Variants in CDC42EP3 observed in about 807,000 individuals in gnomAD.
CDC42EP3 encodes the protein CDC42 effector protein (Rho GTPase binding) 3.
In CDC42EP3, 4 loss-of-function variants were observed where a neutral mutation model predicts 15.5. The observed-to-expected ratio is 0.26, with a 90% CI of 0.13 to 0.59. The LOEUF (loss-of-function observed/expected upper bound fraction) is 0.59, where lower values mean the gene tolerates loss of function less well. CDC42EP3 is among the 20% of genes least tolerant of loss of function. CDC42EP3 has a pLI of 0.89. For synonymous variants in CDC42EP3, 145 were observed against 130.3 expected, an observed-to-expected ratio of 1.11 and a Z score of -0.77; for missense variants, 309 against 311.2, an observed-to-expected ratio of 0.99 and a Z score of 0.05.
At chr2:37,669,138 T>C (rs1232544358) in intron 1 of CDC42EP3, among the ~76,000 whole-genome samples, 2 of 151,926 alleles carry the variant, frequency 1.3e-5, no homozygotes, top group Non-Finnish European at 2.9e-5. Context: ...CAGAGCAGTC[T>C]TCTTGGAGGT....
In CDC42EP3 at chr2:37,645,594, A is replaced by G; in HGVS notation, c.*229T>C. 2.5e-6 allele frequency: 1 copy of G among 399,258 alleles called. No homozygotes were observed. 24.7% of individuals were successfully genotyped at this position (399,258 alleles called of 1,614,324 possible). A position where few individuals can be genotyped will look rare whatever the true frequency, so the allele number is the denominator to read the frequency against. ...CCGAACATCACCAATGCCTCCTGAA[A>G]ATGGGCTCTGACTCACTTCCTTTTT... is the stretch of plus-strand genomic sequence containing the variant. On this transcript the variant is annotated 3_prime_UTR_variant, in exon 2 of 2. Transcript: ENST00000295324.
Position 37,642,060 on chromosome 2 carries a change from A to G in CDC42EP3, c.*3763T>C, listed in dbSNP as rs1665285651. 1 of 152,196 alleles carries G rather than the reference A, an allele frequency of 6.6e-6. No individual in the cohort carries two copies. Among genetic ancestry groups the G allele is most frequent in the South Asian group, 2.1e-4 (1 of 4,836 alleles). The allele number at this position is 152,196 out of a possible 1,614,324, so 9.4% of individuals were successfully genotyped here. On this transcript the variant is annotated 3_prime_UTR_variant, in exon 2 of 2. Coordinates refer to ENST00000295324, the MANE Select transcript of CDC42EP3 (RefSeq NM_006449.5). ...TACCACAGAATAATGACTCCCTAAT[A>G]ACTCAGCTGAAAAATATTTAGATCT...
At chr2:37,665,214 A>C (rs1344185292) in intron 1 of CDC42EP3, among the ~76,000 whole-genome samples, 2 of 152,190 alleles carry the variant, frequency 1.3e-5, no homozygotes, top group Non-Finnish European at 2.9e-5. Context: ...TGATACAAGA[A>C]AAAAGAGGAA....
chr2:37,663,902 C>G (rs962982890), intron 1 of CDC42EP3, among the ~76,000 whole-genome samples: 1 of 151,984 alleles, frequency 6.6e-6, no homozygotes, highest in Non-Finnish European at 1.5e-5. Context: ...AGGCCGGGCG[C>G]GGTGGCTCAT....
intron 1 of CDC42EP3, among the ~76,000 whole-genome samples, chr2:37,648,759 C>T (rs917918868): frequency 1.3e-5 from 2 of 152,228 alleles, no homozygotes; most frequent in Admixed American, 6.5e-5. Flanking sequence ...CCATGTTCTT[C>T]CTGTTAAAAC....
intron 1 of CDC42EP3, among the ~76,000 whole-genome samples, chr2:37,651,709 G>T (rs1226185863): frequency 1.3e-5 from 2 of 152,210 alleles, no homozygotes; most frequent in Non-Finnish European, 2.9e-5. Flanking sequence ...GATGCAGGAG[G>T]AGCTGCTGGC....
chr2:37,646,240 T>C lies in CDC42EP3; in HGVS notation c.348A>G (p.Gln116=), dbSNP rs1273287364. The change falls in exon 2 of 2, where the codon CAA becomes CAG. Residue 116 remains glutamine (Q), a synonymous_variant. Coordinates refer to ENST00000295324, the MANE Select transcript of CDC42EP3 (RefSeq NM_006449.5). ...GTGACAATAAGGGCAACATGAGAGC[T>C]TGGGATCCTCCAATGGTCGGGAGGG... The part of the protein sequence containing the change: ...AISLPTIGGS[Q]ALMLPLLSPV... The C allele has an allele frequency of 1.9e-6, 3 of 1,614,018 alleles. No homozygotes were observed. The highest frequency in any genetic ancestry group is 2.2e-5 in the East Asian group (1 of 44,886).
chr2:37,657,673 T>G (rs1221409306), intron 1 of CDC42EP3, among the ~76,000 whole-genome samples: 1 of 152,196 alleles, frequency 6.6e-6, no homozygotes, highest in African/African-American at 2.4e-5. Context: ...AGATAAAGTT[T>G]TATTAGAACA....
chr2:37,648,919 G>A (rs1448629004), intron 1 of CDC42EP3, among the ~76,000 whole-genome samples: 1 of 152,054 alleles, frequency 6.6e-6, no homozygotes, highest in Non-Finnish European at 1.5e-5. Context: ...CTGCCCACAG[G>A]AGTGGTGTCC....
chr2:37,653,918 G>A (rs531000971), intron 1 of CDC42EP3, among the ~76,000 whole-genome samples: 12 of 152,288 alleles, frequency 7.9e-5, no homozygotes, highest in African/African-American at 2.2e-4. Flanking sequence ...GCCTGCATCC[G>A]ACTTCCCCTT....
At position 37,646,153 on chromosome 2, in the gene CDC42EP3, G is replaced by C. The variant is rs373265101; in HGVS notation, c.435C>G (p.Cys145Trp). Reference sequence around the variant, plus strand: ...GAGCTTTTTCCTCCATGACGGGCTCGCAGCTAAGCCTGGGCAGCTTTGCTG... The same window carrying C: ...GAGCTTTTTCCTCCATGACGGGCTCCCAGCTAAGCCTGGGCAGCTTTGCTG... ...FGPAKLPRLS[C>W]EPVMEEKAQE... Residue 145 changes from cysteine to tryptophan, a missense_variant, in exon 2 of 2, where the codon TGC becomes TGG. By Grantham distance (215) the Cys-to-Trp change is radical (BLOSUM62 -2). Coordinates refer to ENST00000295324, the MANE Select transcript of CDC42EP3 (RefSeq NM_006449.5). 18 of 1,614,018 alleles carry C rather than the reference G, an allele frequency of 1.1e-5. No homozygotes were observed. Among genetic ancestry groups the C allele is most frequent in the Non-Finnish European group, 1.5e-5 (18 of 1,180,012 alleles).
At chr2:37,656,322 G>A (rs1377208869) in intron 1 of CDC42EP3, among the ~76,000 whole-genome samples, 1 of 152,208 alleles carries the variant, frequency 6.6e-6, no homozygotes. Flanking sequence ...TCTTCTGTGG[G>A]CATGAGCTTA....
chr2:37,652,044 A>G (rs1189786608), intron 1 of CDC42EP3, among the ~76,000 whole-genome samples: 5 of 151,800 alleles, frequency 3.3e-5, no homozygotes, highest in Non-Finnish European at 2.9e-5. Context: ...GCCTGGTGGC[A>G]GGCGCCTGTA....
intron 1 of CDC42EP3, among the ~76,000 whole-genome samples, chr2:37,663,880 A>C (rs938358128): frequency 1.3e-5 from 2 of 152,188 alleles, no homozygotes; most frequent in African/African-American, 4.8e-5. Context: ...CTAGGATAAA[A>C]GCAGGCAGAG....
Position 37,645,672 on chromosome 2 carries a change from A to C in CDC42EP3, c.*151T>G. On this transcript the variant is annotated 3_prime_UTR_variant, in exon 2 of 2. Coordinates refer to ENST00000295324, the MANE Select transcript of CDC42EP3 (RefSeq NM_006449.5). ...TTTTTTCTAAATTGTTTTTGCAAAC[A>C]GGGCATAACAGGTAAAAAAATACTT... is the stretch of plus-strand genomic sequence containing the variant. 1.7e-6 allele frequency: 1 copy of C among 586,036 alleles called. No homozygotes were observed. The highest frequency in any genetic ancestry group is 2.8e-6 in the Non-Finnish European group (1 of 361,920). The allele number at this position is 586,036 out of a possible 1,614,324, so 36.3% of individuals were successfully genotyped here.
intron 1 of CDC42EP3, among the ~76,000 whole-genome samples, chr2:37,648,313 C>T (rs1344295193): frequency 6.6e-6 from 1 of 152,218 alleles, no homozygotes; most frequent in African/African-American, 2.4e-5. Context: ...ACTCCAAGGG[C>T]TGGGTGGGTT....
At chr2:37,665,857 G>A (rs1435297776) in intron 1 of CDC42EP3, among the ~76,000 whole-genome samples, 5 of 17,598 alleles carry the variant, frequency 2.8e-4, no homozygotes, top group East Asian at 0.077. Flanking sequence ...CACTGATCCT[G>A]GCTCACTGTT....
chr2:37,655,208 G>T (rs1173505765), intron 1 of CDC42EP3, among the ~76,000 whole-genome samples: 1 of 152,196 alleles, frequency 6.6e-6, no homozygotes, highest in Non-Finnish European at 1.5e-5. Context: ...TAGCCAGAAC[G>T]AGCAGGCGGT....
intron 1 of CDC42EP3, among the ~76,000 whole-genome samples, chr2:37,658,564 C>A (rs1572518157): frequency 6.6e-6 from 1 of 152,154 alleles, no homozygotes; most frequent in East Asian, 1.9e-4. Flanking sequence ...TAAACCTTGC[C>A]CCAAATGGGA....
Sources: allele counts gnomAD v4.1 joint callset (sites outside exome capture counted in the v4.1 genomes callset), GRCh38; gene constraint gnomAD v4.1.1; transcripts MANE v1.5; gene names NCBI Gene and HGNC (gene_info 2026-07-23, HGNC 2026-07-21).